The following GALNTL6 variants were observed in gnomAD, a reference collection of about 807,000 sequenced individuals.
GALNTL6 encodes polypeptide N-acetylgalactosaminyltransferase like 6, also known as polypeptide N-acetylgalactosaminyltransferase-like 6.
A neutral mutation model predicts 73.7 loss-of-function variants in GALNTL6; 46 were observed. The observed-to-expected ratio is 0.62, with a 90% confidence interval of 0.49 to 0.80. GALNTL6 has a LOEUF of 0.80. GALNTL6 is among the 30% of genes least tolerant of loss of function. The pLI, the probability that GALNTL6 is intolerant of heterozygous loss-of-function variation, is 0.00. For missense variants in GALNTL6, 604 were observed against 755.0 expected (o/e 0.80, Z 2.34); for synonymous variants, 259 against 263.7 (o/e 0.98, Z 0.17).
At chr4:172,435,516 G>A (rs1731604355) in intron 5 of GALNTL6, among the ~76,000 whole-genome samples, 2 of 152,068 alleles carry the variant, frequency 1.3e-5, no homozygotes, top group East Asian at 1.9e-4. Context: ...TCAACAAACA[G>A]TAGGGATTTA....
At chr4:171,946,042 A>G (rs2111022117) in intron 2 of GALNTL6, among the ~76,000 whole-genome samples, 1 of 152,302 alleles carries the variant, frequency 6.6e-6, no homozygotes, top group African/African-American at 2.4e-5. Context: ...GATTAATGTG[A>G]TAGTAGAAAG....
chr4:171,879,184 A>G (rs1736367135), intron 2 of GALNTL6, among the ~76,000 whole-genome samples: 2 of 152,232 alleles, frequency 1.3e-5, no homozygotes, highest in South Asian at 4.1e-4. Flanking sequence ...GCAAGCACTA[A>G]GCCATGAGCT....
At chr4:172,500,733 G>C (rs1406904044) in intron 5 of GALNTL6, among the ~76,000 whole-genome samples, 1 of 150,850 alleles carries the variant, frequency 6.6e-6, no homozygotes, top group Non-Finnish European at 1.5e-5. Context: ...AAGACGGCTT[G>C]GAACTTCAGA....
chr4:172,214,790 G>A (rs866172293), intron 2 of GALNTL6, among the ~76,000 whole-genome samples: 1 of 152,086 alleles, frequency 6.6e-6, no homozygotes, highest in Non-Finnish European at 1.5e-5. Flanking sequence ...TGGAATAACA[G>A]ATGTGAGGCA....
intron 5 of GALNTL6, among the ~76,000 whole-genome samples, chr4:172,654,917 T>C (rs1730900007): frequency 1.3e-5 from 2 of 152,160 alleles, no homozygotes; most frequent in Non-Finnish European, 2.9e-5. Context: ...GACGTTCTAG[T>C]AGATATCATA....
chr4:172,773,650 T>G (rs1444364892), intron 5 of GALNTL6, among the ~76,000 whole-genome samples: 1 of 152,092 alleles, frequency 6.6e-6, no homozygotes, highest in Non-Finnish European at 1.5e-5. Context: ...AATGGCACTT[T>G]ACATATATAA....
At chr4:171,818,774 T>C (rs2110798658) in intron 2 of GALNTL6, among the ~76,000 whole-genome samples, 1 of 152,108 alleles carries the variant, frequency 6.6e-6, no homozygotes, top group South Asian at 2.1e-4. Context: ...TCTTGTAAAC[T>C]GTGCTTGACA....
intron 4 of GALNTL6, among the ~76,000 whole-genome samples, chr4:172,330,642 C>G (rs188328112): frequency 3.3e-5 from 5 of 152,290 alleles, no homozygotes; most frequent in Non-Finnish European, 4.4e-5. Flanking sequence ...ATTTTAACAA[C>G]TTAATTTTGA....
intron 3 of GALNTL6, among the ~76,000 whole-genome samples, chr4:172,281,627 T>G (rs1216945866): frequency 6.6e-6 from 1 of 151,930 alleles, no homozygotes; most frequent in Non-Finnish European, 1.5e-5. Flanking sequence ...AGGAGAATCG[T>G]TTGAACCCAG....
In GALNTL6 at chr4:172,111,558, A is replaced by C. The variant is rs191353773; in HGVS notation, c.139-118098A>C. On this transcript the variant is annotated intron_variant, in intron 2 of 12. Coordinates refer to ENST00000506823, the MANE Select transcript of GALNTL6 (RefSeq NM_001034845.3). The stretch of plus-strand genomic sequence containing the variant: ...AGCACTTTACCCCTTCTTTTGTACA[A>C]ATTTTTACTATAATATAAAATTTGA... Among the ~76,000 whole-genome samples the C allele has an allele frequency of 5.9e-5, 9 of 152,056 alleles. No individual in the cohort carries two copies. The East Asian group carries it at 1.7e-3, about 29-fold the overall frequency.
intron 5 of GALNTL6, among the ~76,000 whole-genome samples, chr4:172,351,525 G>A (rs1741945988): frequency 6.6e-6 from 1 of 152,060 alleles, no homozygotes; most frequent in Non-Finnish European, 1.5e-5. Flanking sequence ...GATACCCCTA[G>A]ACATCACTTG....
At chr4:172,339,269 A>T (rs1248390925) in intron 4 of GALNTL6, among the ~76,000 whole-genome samples, 8 of 96,600 alleles carry the variant, frequency 8.3e-5, no homozygotes, top group African/African-American at 1.4e-4. Flanking sequence ...ACACACACAC[A>T]CACACACACA....
At chr4:171,894,851 TC>T (rs1397494463) in intron 2 of GALNTL6, among the ~76,000 whole-genome samples, 2 of 152,066 alleles carry the variant, frequency 1.3e-5, no homozygotes, top group Non-Finnish European at 2.9e-5. Flanking sequence ...CTTTTTTTTT[TC>T]ATGGAAATTC....
intron 5 of GALNTL6, among the ~76,000 whole-genome samples, chr4:172,429,175 A>T (rs1002762611): frequency 0.016 from 213 of 13,332 alleles, no homozygotes; most frequent in African/African-American, 0.037. Context: ...ATTTTGTTTT[A>T]TTATTTTATT....
At chr4:172,894,080 G>T (rs1336866432) in intron 8 of GALNTL6, among the ~76,000 whole-genome samples, 1 of 152,144 alleles carries the variant, frequency 6.6e-6, no homozygotes. Flanking sequence ...CAGAAGATCT[G>T]TTCAAAGTGT....
rs536700955 is a variant in GALNTL6 at position 171,869,882 on chromosome 4, TC to T, written c.138+55168del. On this transcript the variant is annotated intron_variant, in intron 2 of 12. Transcript: ENST00000506823. Reference sequence around the variant, plus strand: ...CATCTTCTGCCATGATTGTGAGGCCTCCCCAGCCACATGGAACTACGAGTCC... The same window carrying T: ...CATCTTCTGCCATGATTGTGAGGCCTCCCAGCCACATGGAACTACGAGTCC... Among the ~76,000 whole-genome samples the T allele has an allele frequency of 3.2e-4, 49 of 152,180 alleles. No homozygotes were observed. In the South Asian group the frequency reaches 7.9e-3, roughly 25 times the overall value.
chr4:172,187,804 T>C (rs867592816), intron 2 of GALNTL6, among the ~76,000 whole-genome samples: 1 of 152,194 alleles, frequency 6.6e-6, no homozygotes, highest in East Asian at 1.9e-4. Context: ...GAGACAAATA[T>C]CACTTCCAAG....
rs184334946 is a variant in GALNTL6 at position 172,217,803 on chromosome 4, C to G, written c.139-11853C>G. 2.7e-3 allele frequency among the ~76,000 whole-genome samples: 406 copies of G among 152,232 alleles called. 3 individuals are homozygous for G. The highest frequency in any genetic ancestry group is 9.2e-3 in the African/African-American group (383 of 41,538). On this transcript the variant is annotated intron_variant, in intron 2 of 12. Transcript: ENST00000506823. ...GTCTCGTCAGACTGTTAGGATATATCAGGTAACAGGAACTGACTAACTAAT... is the reference window on the plus strand; with the variant it reads ...GTCTCGTCAGACTGTTAGGATATATGAGGTAACAGGAACTGACTAACTAAT...
At chr4:172,472,160 C>T (rs1233715889) in intron 5 of GALNTL6, among the ~76,000 whole-genome samples, 1 of 152,172 alleles carries the variant, frequency 6.6e-6, no homozygotes, top group South Asian at 2.1e-4. Flanking sequence ...TATTGAGTCA[C>T]TATTACATAC....
Sources: gnomAD v4.1 joint callset for allele counts (sites outside exome capture counted in the v4.1 genomes callset) on GRCh38, gnomAD v4.1.1 for gene constraint, MANE v1.5 for transcripts, NCBI Gene and HGNC (gene_info 2026-07-23, HGNC 2026-07-21) for gene names.